The following GPHN variants were observed in gnomAD, a reference collection of about 807,000 sequenced individuals.
GPHN encodes gephyrin.
In GPHN, 17 loss-of-function variants were observed where a neutral mutation model predicts 95.5. The observed-to-expected ratio is 0.18, with a 90% CI of 0.12 to 0.27. The LOEUF (loss-of-function observed/expected upper bound fraction) is 0.27. GPHN is among the 10% of genes least tolerant of loss of function. The pLI is 1.00. For synonymous variants in GPHN, 320 were observed against 322.5 expected (o/e 0.99, Z 0.08); for missense variants, 660 against 978.1 (o/e 0.67, Z 4.34).
intron 2 of GPHN, among the ~76,000 whole-genome samples, chr14:66,693,934 T>C (rs1336726616): frequency 6.6e-6 from 1 of 152,170 alleles, no homozygotes; most frequent in African/African-American, 2.4e-5. Flanking sequence ...GACTTGACAC[T>C]ATACAGCTTC....
At chr14:67,379,804 G>A in the GPHN span, among the ~76,000 whole-genome samples, 1 of 150,096 alleles carries the variant, frequency 6.7e-6, no homozygotes, top group African/African-American at 2.5e-5. Flanking sequence ...ACAGGCGCCC[G>A]CCACTACGCC....
intron 5 of GPHN, among the ~76,000 whole-genome samples, chr14:66,902,129 G>A (rs943705764): frequency 6.6e-6 from 1 of 151,932 alleles, no homozygotes; most frequent in Non-Finnish European, 1.5e-5. Flanking sequence ...TATCTTTGGA[G>A]ATATTATAAA....
rs10132236 is a variant in GPHN, at chr14:66,565,358, G to T, written c.64+56767G>T. ...GTTGCCCAGGCCGCAGCAGTGTATG[G>T]CTGGATCACAGTTTATGGCAGCTTT... On this transcript the variant is annotated intron_variant, in intron 1 of 22. Transcript: ENST00000478722. 9.2e-3 allele frequency among the ~76,000 whole-genome samples: 1,392 copies of T among 152,098 alleles called. 24 individuals are homozygous for T. The highest frequency in any genetic ancestry group is 0.032 in the African/African-American group (1,315 of 41,500).
chr14:66,598,740 G>C (rs965983332), intron 1 of GPHN, among the ~76,000 whole-genome samples: 1 of 151,898 alleles, frequency 6.6e-6, no homozygotes, highest in South Asian at 2.1e-4. Flanking sequence ...AGCTACTCAG[G>C]TGGCTGAGGC....
intron 5 of GPHN, among the ~76,000 whole-genome samples, chr14:66,903,933 T>A (rs1022751933): frequency 2.0e-5 from 3 of 152,128 alleles, no homozygotes; most frequent in African/African-American, 7.2e-5. Flanking sequence ...ATGGGAAAAA[T>A]CTTTTACACT....
At chr14:66,907,361 T>C (rs1279332636) in intron 5 of GPHN, among the ~76,000 whole-genome samples, 1 of 152,150 alleles carries the variant, frequency 6.6e-6, no homozygotes, top group Non-Finnish European at 1.5e-5. Context: ...TTTATGACAT[T>C]GTAGTAAAAG....
At chr14:67,492,817 C>T in the GPHN span, among the ~76,000 whole-genome samples, 13 of 152,196 alleles carry the variant, frequency 8.5e-5, no homozygotes, top group Admixed American at 6.5e-5. Context: ...TACTGAGACC[C>T]AGTGAAGGCC....
chr14:66,747,276 T>C (rs1380732935), intron 2 of GPHN, among the ~76,000 whole-genome samples: 2 of 152,286 alleles, frequency 1.3e-5, no homozygotes, highest in South Asian at 2.1e-4. Flanking sequence ...AATTGATTTT[T>C]AAATGGTATT....
In GPHN at chr14:67,010,562, A is replaced by G. The variant is rs567004808; in HGVS notation, c.964-13071A>G. ...GCGAGACTCTGTCTCAGAAAAAAAA[A>G]AAAAAAAGAAAGAAAAAAAAGAATA... On this transcript the variant is annotated intron_variant, in intron 9 of 22. Coordinates refer to ENST00000478722, the MANE Select transcript of GPHN (RefSeq NM_020806.5). Among the ~76,000 whole-genome samples, 240 of 151,746 alleles carry G rather than the reference A, an allele frequency of 1.6e-3. 1 individual carries two copies. The highest frequency in any genetic ancestry group is 5.7e-3 in the African/African-American group (237 of 41,466).
At chr14:66,809,645 A>G (rs1481824039) in intron 3 of GPHN, among the ~76,000 whole-genome samples, 1 of 152,144 alleles carries the variant, frequency 6.6e-6, no homozygotes, top group Admixed American at 6.5e-5. Flanking sequence ...ACAACTGGAA[A>G]TCTATTTGCT....
chr14:67,579,825 G>A, the GPHN span: 834 of 1,609,134 alleles, frequency 5.2e-4, 6 homozygotes, highest in African/African-American at 9.2e-3. Context: ...CCCTCTTCAC[G>A]GACGATCCCT....
At chr14:67,334,966 G>T in the GPHN span, 1 of 152,232 alleles carries the variant, frequency 6.6e-6, no homozygotes, top group Non-Finnish European at 1.5e-5. Flanking sequence ...TAGAGTGAGG[G>T]TGTAGGTAGT....
chr14:67,358,222 C>T, the GPHN span, among the ~76,000 whole-genome samples: 1 of 152,148 alleles, frequency 6.6e-6, no homozygotes, highest in African/African-American at 2.4e-5. Flanking sequence ...AGGAGTTCTG[C>T]AGTTGTCACT....
chr14:66,694,520 T>TA (rs1245358651), intron 2 of GPHN, among the ~76,000 whole-genome samples: 1 of 152,174 alleles, frequency 6.6e-6, no homozygotes, highest in African/African-American at 2.4e-5. Context: ...CTGCATGCTT[T>TA]AAAAAATTGA....
intron 3 of GPHN, among the ~76,000 whole-genome samples, chr14:66,785,232 G>A (rs1301875725): frequency 6.6e-6 from 1 of 152,166 alleles, no homozygotes; most frequent in East Asian, 1.9e-4. Flanking sequence ...CAGGCATGGT[G>A]GCACATGCCT....
At chr14:67,473,142 G>A in the GPHN span, 1 of 470,376 alleles carries the variant, frequency 2.1e-6, no homozygotes, top group Non-Finnish European at 3.9e-6. This position sits in a 1 kb window ranked among gnomAD's most constrained non-coding sequence, Gnocchi z 6.5. Flanking sequence ...GTCCATCGCT[G>A]CTCAGCCACA....
At chr14:67,180,207 T>G (rs556463264) in intron 22 of GPHN, among the ~76,000 whole-genome samples, 11 of 152,316 alleles carry the variant, frequency 7.2e-5, no homozygotes, top group African/African-American at 2.4e-4. Context: ...TTGCCTAATT[T>G]TTGATGTGAC....
At chr14:67,165,898 G>T (rs1555506981) in intron 20 of GPHN, among the ~76,000 whole-genome samples, 1 of 152,124 alleles carries the variant, frequency 6.6e-6, no homozygotes, top group Non-Finnish European at 1.5e-5. Flanking sequence ...GTGATTTGGG[G>T]TTATATAAAG....
intron 3 of GPHN, among the ~76,000 whole-genome samples, chr14:66,807,765 T>C (rs2060606016): frequency 6.6e-6 from 1 of 152,242 alleles, no homozygotes; most frequent in Non-Finnish European, 1.5e-5. Context: ...AATTGAGTTA[T>C]CCATTCTTTT....
Sources: gnomAD v4.1 joint callset for allele counts (sites outside exome capture counted in the v4.1 genomes callset) on GRCh38, gnomAD v4.1.1 for gene constraint, Gnocchi (gnomAD v3.1) non-coding constraint, MANE v1.5 for transcripts, NCBI Gene and HGNC (gene_info 2026-07-23, HGNC 2026-07-21) for gene names.